PCDHGB1: variants seen among roughly 807,000 people sequenced by gnomAD.
PCDHGB1 encodes the protein protocadherin gamma subfamily B, 1.
Under a neutral mutation model 56.6 loss-of-function variants are expected in PCDHGB1, and 34 were observed. That is an observed-to-expected ratio of 0.60 (90% CI 0.46 to 0.80). The LOEUF is 0.80. Ranked by LOEUF, PCDHGB1 falls within the 30% of genes least tolerant of loss-of-function variation. The pLI, the probability that PCDHGB1 is intolerant of heterozygous loss-of-function variation, is 0.00. For missense variants in PCDHGB1, 1,278 were observed against 1,204.6 expected (o/e 1.06, Z -0.90); for synonymous variants, 561 against 505.9 (o/e 1.11, Z -1.46).
At chr5:141,371,123 TC>T in intron 1 of PCDHGB1, 1 of 1,613,954 alleles carries the variant, frequency 6.2e-7, no homozygotes, top group Non-Finnish European at 8.5e-7. Flanking sequence ...CAGTATTTAC[TC>T]AGGACATGTA....
At chr5:141,410,560 A>C (rs769354927) in intron 1 of PCDHGB1, 42 of 1,612,824 alleles carry the variant, frequency 2.6e-5, no homozygotes, top group Non-Finnish European at 3.5e-5. Context: ...TTTCTCCTGG[A>C]GCCTTAATTC....
Position 141,487,820 on chromosome 5 carries a change from G to A in PCDHGB1, c.2410-6987G>A, listed in dbSNP as rs1024593393. 8 of 1,293,652 alleles carry A rather than the reference G, an allele frequency of 6.2e-6. No individual in the cohort carries two copies. The highest frequency in any genetic ancestry group is 3.7e-4 in the Middle Eastern group (2 of 5,382). 80.1% of individuals were successfully genotyped at this position (1,293,652 alleles called of 1,614,324 possible). A position where few individuals can be genotyped will look rare whatever the true frequency, so the allele number is the denominator to read the frequency against. On this transcript the variant is annotated intron_variant, in intron 1 of 3. Transcript: ENST00000523390. This position sits in a 1 kb window ranked among gnomAD's most constrained non-coding sequence, Gnocchi z 5.0. ...GTTGTCACAGTTTAGCATTGGGGGC[G>A]GGTCATGCCTATATCTGAGTAAGAA...
At chr5:141,374,549 G>C in intron 1 of PCDHGB1, 1 of 1,613,404 alleles carries the variant, frequency 6.2e-7, no homozygotes, top group Non-Finnish European at 8.5e-7. Flanking sequence ...TCCACTAATG[G>C]AGGTCTATGA....
intron 1 of PCDHGB1, chr5:141,394,595 G>A: frequency 6.2e-7 from 1 of 1,613,740 alleles, no homozygotes; most frequent in Non-Finnish European, 8.5e-7. Flanking sequence ...TGGTGGCGGT[G>A]GACAGAGACT....
intron 1 of PCDHGB1, chr5:141,409,789 G>T: frequency 6.2e-7 from 1 of 1,612,036 alleles, no homozygotes; most frequent in Non-Finnish European, 8.5e-7. Context: ...GCGCCTTCGC[G>T]CTCACGCTGC....
At chr5:141,389,439 G>C (rs201120335) in intron 1 of PCDHGB1, 1 of 1,610,580 alleles carries the variant, frequency 6.2e-7, no homozygotes, top group Non-Finnish European at 8.5e-7. Flanking sequence ...GCGCGCCTTC[G>C]ACCACGAGCA....
chr5:141,398,040 C>T (rs569692941), intron 1 of PCDHGB1: 5 of 1,485,976 alleles, frequency 3.4e-6, no homozygotes, highest in East Asian at 4.8e-5. Context: ...AACTAAAGCC[C>T]GTTCGGAGAT....
At chr5:141,465,152 G>C (rs1028596804) in intron 1 of PCDHGB1, among the ~76,000 whole-genome samples, 1 of 151,422 alleles carries the variant, frequency 6.6e-6, no homozygotes, top group African/African-American at 2.4e-5. Flanking sequence ...TATATGAAGG[G>C]ACTCTAAATG....
intron 1 of PCDHGB1, chr5:141,409,612 C>T: frequency 6.2e-7 from 1 of 1,613,908 alleles, no homozygotes; most frequent in Non-Finnish European, 8.5e-7. Flanking sequence ...CAGGAGCCTC[C>T]ATTGCGCAAG....
At chr5:141,424,698 T>G (rs1214214315) in intron 1 of PCDHGB1, 1 of 152,228 alleles carries the variant, frequency 6.6e-6, no homozygotes, top group Non-Finnish European at 1.5e-5. Context: ...GCTATTTTTT[T>G]GTTCATTTTC....
Position 141,356,884 on chromosome 5 carries a change from A to C in PCDHGB1, c.2409+4215A>C, listed in dbSNP as rs1760376800. 7 of 1,614,176 alleles carry C rather than the reference A, an allele frequency of 4.3e-6. No homozygotes were observed. The highest frequency in any genetic ancestry group is 5.9e-6 in the Non-Finnish European group (7 of 1,180,026). On this transcript the variant is annotated intron_variant, in intron 1 of 3. Coordinates refer to ENST00000523390, the MANE Select transcript of PCDHGB1 (RefSeq NM_018922.3). ...GGACCAGAACGACAATGTCCCTGAG[A>C]TCCTGTACCCCACCTTCCCTACTGA...
At chr5:141,478,287 G>C (rs777542913) in intron 1 of PCDHGB1, 1 of 1,614,154 alleles carries the variant, frequency 6.2e-7, no homozygotes, top group South Asian at 1.1e-5. Context: ...AAGCAGTCTA[G>C]AGACCTATAC....
rs748000231 is a variant in PCDHGB1, at chr5:141,350,897, G to T, written c.637G>T (p.Asp213Tyr). The part of the protein sequence containing the change: ...SSHRLILTAM[D>Y]GGDPPLSGTT... ...TCATCGCTTAATCCTGACTGCCATG[G>T]ATGGCGGGGACCCGCCTCTAAGCGG... The change falls in exon 1 of 4, where the codon GAT becomes TAT. Residue 213 changes from aspartate (D) to tyrosine (Y), a missense_variant. Physicochemically the swap from Asp to Tyr is radical, Grantham distance 160 (BLOSUM62 -3). Transcript: ENST00000523390. 1 of 1,614,028 alleles carries T rather than the reference G, an allele frequency of 6.2e-7. No homozygotes were observed. Among genetic ancestry groups the T allele is most frequent in the East Asian group, 2.2e-5 (1 of 44,888 alleles).
Position 141,487,687 on chromosome 5 carries a change from A to G in PCDHGB1, c.2410-7120A>G, listed in dbSNP as rs750431854. ...CAGGCATATGGCTAGGCCATGTCCTAGAGAGTACTGGCCTCTCAGTAAGTG... is the reference window on the plus strand; with the variant it reads ...CAGGCATATGGCTAGGCCATGTCCTGGAGAGTACTGGCCTCTCAGTAAGTG... On this transcript the variant is annotated intron_variant, in intron 1 of 3. Transcript: ENST00000523390. This position sits in a 1 kb window ranked among gnomAD's most constrained non-coding sequence, Gnocchi z 5.0. The G allele has an allele frequency of 1.9e-6, 3 of 1,606,256 alleles. No individual in the cohort carries two copies. The highest frequency in any genetic ancestry group is 3.4e-5 in the Admixed American group (2 of 58,832).
intron 1 of PCDHGB1, chr5:141,364,540 T>C (rs1380715716): frequency 1.9e-6 from 3 of 1,614,050 alleles, no homozygotes; most frequent in Admixed American, 1.7e-5. Flanking sequence ...TCTCCAGAGG[T>C]AGGACGCAGC....
At chr5:141,418,520 C>T (rs766042374) in intron 1 of PCDHGB1, 3 of 1,613,936 alleles carry the variant, frequency 1.9e-6, no homozygotes, top group Non-Finnish European at 2.5e-6. Flanking sequence ...TGGGGACCCT[C>T]CCCGAAGCGG....
chr5:141,395,034 G>C, intron 1 of PCDHGB1: 1 of 1,614,150 alleles, frequency 6.2e-7, no homozygotes, highest in South Asian at 1.1e-5. Flanking sequence ...CTCACATTTT[G>C]TGGGTGTTGA....
intron 2 of PCDHGB1, among the ~76,000 whole-genome samples, chr5:141,504,118 G>A (rs948008198): frequency 6.6e-6 from 1 of 152,096 alleles, no homozygotes; most frequent in African/African-American, 2.4e-5. Flanking sequence ...GTGTGCCAGG[G>A]CTGTTTCCCG....
At chr5:141,420,211 T>C (rs759486952) in intron 1 of PCDHGB1, 11 of 1,612,388 alleles carry the variant, frequency 6.8e-6, no homozygotes, top group African/African-American at 1.3e-5. Context: ...TCAACAAAGA[T>C]AGCATGCTAC....
Sources: allele counts gnomAD v4.1 joint callset (sites outside exome capture counted in the v4.1 genomes callset), GRCh38; gene constraint gnomAD v4.1.1; non-coding constraint Gnocchi (gnomAD v3.1); transcripts MANE v1.5; gene names NCBI Gene and HGNC (gene_info 2026-07-23, HGNC 2026-07-21).